UBE3A: variants seen among roughly 807,000 people sequenced by gnomAD.
UBE3A encodes the protein ubiquitin protein ligase E3A.
A neutral mutation model predicts 83.4 loss-of-function variants in UBE3A; 6 were observed. That is an observed-to-expected ratio of 0.07 (90% CI 0.04 to 0.14). The LOEUF (loss-of-function observed/expected upper bound fraction) is 0.14. Among genes scored for constraint, UBE3A ranks in the 10% least tolerant of loss-of-function variants. The pLI is 1.00. For missense variants in UBE3A, 456 were observed against 1,036.1 expected, an observed-to-expected ratio of 0.44 and a Z score of 7.69; for synonymous variants, 337 against 355.4, an observed-to-expected ratio of 0.95 and a Z score of 0.58.
intron 11 of UBE3A, among the ~76,000 whole-genome samples, chr15:25,353,506 C>G (rs908376504): frequency 1.2e-4 from 19 of 152,034 alleles, no homozygotes; most frequent in African/African-American, 4.6e-4. Flanking sequence ...TGAATCTGCT[C>G]TTAGTTGAGA....
intron 1 of UBE3A, chr15:25,413,003 T>G (rs2090267337): frequency 2.2e-6 from 1 of 448,960 alleles, no homozygotes; most frequent in Admixed American, 2.4e-5. Context: ...TTTTAACATA[T>G]ACTTCACATG....
intron 1 of UBE3A, among the ~76,000 whole-genome samples, chr15:25,421,090 GT>G (rs754044438): frequency 3.9e-5 from 6 of 152,218 alleles, no homozygotes; most frequent in Non-Finnish European, 5.9e-5. Context: ...AATGTTGGGG[GT>G]GGGGCCTGGT....
intron 4 of UBE3A, chr15:25,391,880 A>C (rs951578061): frequency 2.6e-5 from 4 of 152,288 alleles, no homozygotes; most frequent in Non-Finnish European, 5.9e-5. Context: ...TGCAGAGGTG[A>C]ACATTACTGT....
chr15:25,435,579 T>C (rs1181184429), intron 1 of UBE3A, among the ~76,000 whole-genome samples: 2 of 152,168 alleles, frequency 1.3e-5, no homozygotes, highest in East Asian at 1.9e-4. Context: ...TCTACTCTTC[T>C]ACTACATGAG....
At chr15:25,345,481 C>T (rs188423866) in intron 11 of UBE3A, among the ~76,000 whole-genome samples, 2 of 152,122 alleles carry the variant, frequency 1.3e-5, no homozygotes, top group Admixed American at 1.3e-4. Flanking sequence ...TTTACAAAAA[C>T]ACAGACTTCT....
Position 25,411,937 on chromosome 15 carries a change from T to C in UBE3A, c.-130A>G, listed in dbSNP as rs2153087049. ...TTTCGCCAAACTTCTGAGGAGCTGG[T>C]GAATTCTAAAATCAGGCTCTTACAG... is the stretch of plus-strand genomic sequence containing the variant. On this transcript the variant is annotated 5_prime_UTR_variant, in exon 2 of 13. Coordinates refer to ENST00000648336, the MANE Select transcript of UBE3A (RefSeq NM_130839.5). 1 of 152,290 alleles carries C rather than the reference T, an allele frequency of 6.6e-6. No individual in the cohort carries two copies. Among genetic ancestry groups the C allele is most frequent in the Middle Eastern group, 3.4e-3 (1 of 294 alleles). The allele number at this position is 152,290 out of a possible 1,614,324, so 9.4% of individuals were successfully genotyped here.
At chr15:25,416,467 G>A (rs750317718) in intron 1 of UBE3A, among the ~76,000 whole-genome samples, 3 of 152,056 alleles carry the variant, frequency 2.0e-5, no homozygotes, top group Admixed American at 6.6e-5. Context: ...TCTAATCTAT[G>A]CTATGAGAAG....
intron 4 of UBE3A, among the ~76,000 whole-genome samples, chr15:25,376,957 A>G (rs1019326846): frequency 3.3e-5 from 5 of 152,228 alleles, no homozygotes; most frequent in South Asian, 2.1e-4. Flanking sequence ...TAAAATTACC[A>G]TAATTTCAGT....
intron 11 of UBE3A, chr15:25,354,111 A>C (rs146424190): frequency 3.5e-6 from 2 of 565,992 alleles, no homozygotes; most frequent in Non-Finnish European, 6.3e-6. Flanking sequence ...ATACTAGATA[A>C]TCCATACGCC....
At chr15:25,407,839 T>C (rs2089008008) in intron 3 of UBE3A, 1 of 152,230 alleles carries the variant, frequency 6.6e-6, no homozygotes. Context: ...TAATTTATAA[T>C]AGTTTCTGTC....
chr15:25,412,138 G>A (rs945223170), intron 1 of UBE3A, among the ~76,000 whole-genome samples, 167 bp from the exon 2 acceptor site: 5 of 151,904 alleles, frequency 3.3e-5, no homozygotes, highest in South Asian at 2.1e-4. Context: ...GATGAGGAAA[G>A]CATAGGTAGG....
chr15:25,346,794 A>T (rs1188773234), intron 11 of UBE3A: 1 of 152,214 alleles, frequency 6.6e-6, no homozygotes, highest in Non-Finnish European at 1.5e-5. Flanking sequence ...AGAAATCTGA[A>T]CAAAAGAGAG....
chr15:25,394,599 T>A (rs1233441885), intron 4 of UBE3A, among the ~76,000 whole-genome samples: 1 of 152,192 alleles, frequency 6.6e-6, no homozygotes, highest in African/African-American at 2.4e-5. Context: ...ATTAAAAAGC[T>A]CAGCTCTCCT....
chr15:25,342,452 AAATGCATCTCTATTCCT>A (rs1374888519), intron 11 of UBE3A, among the ~76,000 whole-genome samples: 1 of 152,226 alleles, frequency 6.6e-6, no homozygotes, highest in Non-Finnish European at 1.5e-5. Flanking sequence ...ACAGGGAACA[AAATGCATCTCTATTCCT>A]ATAAGTGTTA....
chr15:25,375,487 T>C lies in UBE3A; in HGVS notation c.339A>G (p.Lys113=), dbSNP rs1473098176. 1 of 1,614,160 alleles carries C rather than the reference T, an allele frequency of 6.2e-7. No homozygotes were observed. ...TACCTTTAAAATCAATTCTAGCGCC[T>C]TTCTTGTTCATTTTTATCTCAGAGC... ...NSCSEIKMNK[K]GARIDFKDVT... The change falls in exon 5 of 13, where the codon AAA becomes AAG. Residue 113 remains lysine (K), a synonymous_variant. Coordinates refer to ENST00000648336, the MANE Select transcript of UBE3A (RefSeq NM_130839.5).
chr15:25,429,104 G>C (rs980208827), intron 1 of UBE3A, among the ~76,000 whole-genome samples: 5 of 152,080 alleles, frequency 3.3e-5, no homozygotes, highest in African/African-American at 1.2e-4. Flanking sequence ...TCAAGCTATT[G>C]AAAGACAGCG....
At chr15:25,403,320 A>G (rs773627756) in intron 4 of UBE3A, among the ~76,000 whole-genome samples, 1 of 152,188 alleles carries the variant, frequency 6.6e-6, no homozygotes, top group Non-Finnish European at 1.5e-5. Flanking sequence ...CAAAACCTCT[A>G]AACAAACCTT....
At position 25,353,311 on chromosome 15, in the gene UBE3A, A is replaced by G. The variant is rs139383749; in HGVS notation, c.2354+1042T>C. Among the ~76,000 whole-genome samples, 1,120 of 152,330 alleles carry G rather than the reference A, an allele frequency of 7.4e-3. 6 individuals carry two copies. Among genetic ancestry groups the G allele is most frequent in the Middle Eastern group, 0.051 (15 of 294 alleles). On this transcript the variant is annotated intron_variant, in intron 11 of 12. Coordinates refer to ENST00000648336, the MANE Select transcript of UBE3A (RefSeq NM_130839.5). ...ATACCACGACGAACAACCTTATAAA[A>G]TAACAGAACAAATGAATATAAAGTA...
intron 12 of UBE3A, 200 bp downstream of exon 12, chr15:25,339,885 A>G: frequency 9.3e-6 from 6 of 644,130 alleles, no homozygotes; most frequent in South Asian, 7.9e-5. Flanking sequence ...GAGCCCCATA[A>G]TAATTTTTAA....
Sources: gnomAD v4.1 joint callset for allele counts (sites outside exome capture counted in the v4.1 genomes callset) on GRCh38, gnomAD v4.1.1 for gene constraint, MANE v1.5 for transcripts, NCBI Gene and HGNC (gene_info 2026-07-23, HGNC 2026-07-21) for gene names.